Variants in RBM46 observed in about 807,000 individuals in gnomAD.
The protein encoded by RBM46 is RNA binding motif protein 46.
RBM46 carries 12 observed loss-of-function variants against 43.3 expected under a neutral mutation model. That is an observed-to-expected ratio of 0.28 (90% CI 0.18 to 0.45). RBM46 has a LOEUF of 0.45. RBM46 is among the 20% of genes least tolerant of loss of function. RBM46 has a pLI of 1.00. For missense variants in RBM46, 412 were observed against 639.1 expected (o/e 0.64, Z 3.83); for synonymous variants, 205 against 207.6 (o/e 0.99, Z 0.11).
At position 154,804,551 on chromosome 4, in the gene RBM46, C is replaced by T. The variant is rs566075440; in HGVS notation, c.1402+4987C>T. On this transcript the variant is annotated intron_variant, in intron 4 of 4. Transcript: ENST00000281722. ...AGTTAGAGTTTTGAAGAAGAAAGTC[C>T]TGGAGAATACTTAGTGGAAAGAGGA... Among the ~76,000 whole-genome samples the T allele has an allele frequency of 6.6e-5, 10 of 152,222 alleles. No individual in the cohort carries two copies. In the South Asian group the frequency reaches 1.7e-3, roughly 25 times the overall value.
At position 154,827,283 on chromosome 4, in the gene RBM46, G is replaced by A. The variant is rs553789111; in HGVS notation, c.1403-585G>A. ...GGTTTTTTGAAGTTTATTTAATAAAGGTGATTCATTATACTGTTTTATCAT... is the reference window on the plus strand; with the variant it reads ...GGTTTTTTGAAGTTTATTTAATAAAAGTGATTCATTATACTGTTTTATCAT... On this transcript the variant is annotated intron_variant, in intron 4 of 4. Coordinates refer to ENST00000281722, the MANE Select transcript of RBM46 (RefSeq NM_144979.5). 1.3e-4 allele frequency: 123 copies of A among 939,216 alleles called. 1 individual carries two copies. The African/African-American group carries it at 2.0e-3, about 15-fold the overall frequency. The allele number at this position is 939,216 out of a possible 1,614,324, so 58.2% of individuals were successfully genotyped here. A position where few individuals can be genotyped will look rare whatever the true frequency, so the allele number is the denominator to read the frequency against.
At chr4:154,795,130 T>G (rs1469059216) in intron 1 of RBM46, among the ~76,000 whole-genome samples, 1 of 152,196 alleles carries the variant, frequency 6.6e-6, no homozygotes. Context: ...ACATGTATAG[T>G]GCTTATATGC....
chr4:154,828,249 G>T lies in RBM46; in HGVS notation c.*182G>T. ...ATGGAGTTGTAGAATTTATAAAAATGCAAAGTTTAAAAAGTTATTCAGTGG... is the reference window on the plus strand; with the variant it reads ...ATGGAGTTGTAGAATTTATAAAAATTCAAAGTTTAAAAAGTTATTCAGTGG... On this transcript the variant is annotated 3_prime_UTR_variant, in exon 5 of 5. Transcript: ENST00000281722. The T allele has an allele frequency of 1.7e-6, 1 of 582,592 alleles. No homozygotes were observed. Among genetic ancestry groups the T allele is most frequent in the South Asian group, 2.2e-5 (1 of 45,214 alleles). The allele number at this position is 582,592 out of a possible 1,614,324, so 36.1% of individuals were successfully genotyped here. A position where few individuals can be genotyped will look rare whatever the true frequency, so the allele number is the denominator to read the frequency against.
rs770785066 is a variant in RBM46, at chr4:154,797,878, T to C, written c.219T>C (p.Tyr73=). 4.4e-6 allele frequency: 7 copies of C among 1,601,712 alleles called. No homozygotes were observed. In the Admixed American group the frequency reaches 7.0e-5, roughly 16 times the overall value. ...VFVGKIPRDM[Y]EDELVPVFER... is the part of the protein sequence containing the mutation. ...TAGGAAAAATACCTCGTGATATGTATGAAGATGAGTTAGTTCCTGTATTTG... is the reference window on the plus strand; with the variant it reads ...TAGGAAAAATACCTCGTGATATGTACGAAGATGAGTTAGTTCCTGTATTTG... Residue 73 remains tyrosine, a synonymous_variant, in exon 3 of 5, where the codon TAT becomes TAC. Coordinates refer to ENST00000281722, the MANE Select transcript of RBM46 (RefSeq NM_144979.5).
intron 4 of RBM46, among the ~76,000 whole-genome samples, chr4:154,805,336 G>A (rs1461056219): frequency 6.6e-6 from 1 of 151,824 alleles, no homozygotes; most frequent in African/African-American, 2.4e-5. Context: ...GGACCATTTT[G>A]TGTGTGAATA....
At chr4:154,827,412 T>C in intron 4 of RBM46, 1 of 988,358 alleles carries the variant, frequency 1.0e-6, no homozygotes, top group South Asian at 4.7e-5. Context: ...ACCAAATGTT[T>C]TTGCAGTCCA....
chr4:154,826,552 A>G (rs1031703093), intron 4 of RBM46, among the ~76,000 whole-genome samples: 2 of 152,174 alleles, frequency 1.3e-5, no homozygotes, highest in African/African-American at 4.8e-5. Context: ...TATCAAAGTA[A>G]TTCCTCATTC....
chr4:154,781,472 G>C (rs1349003040), intron 1 of RBM46, 36 bp downstream of exon 1: 3 of 152,392 alleles, frequency 2.0e-5, no homozygotes, highest in Non-Finnish European at 4.4e-5. Context: ...GTCACTACCA[G>C]ACCACTGCTA....
At position 154,811,743 on chromosome 4, in the gene RBM46, C is replaced by A. The variant is rs546521394; in HGVS notation, c.1402+12179C>A. Reference sequence around the variant, plus strand: ...TCACCCAGGCTGGAGTGCAGTGGTGCGATCTTGGCTCATTGCAACATCCGC... The same window carrying A: ...TCACCCAGGCTGGAGTGCAGTGGTGAGATCTTGGCTCATTGCAACATCCGC... On this transcript the variant is annotated intron_variant, in intron 4 of 4. Coordinates refer to ENST00000281722, the MANE Select transcript of RBM46 (RefSeq NM_144979.5). Among the ~76,000 whole-genome samples the A allele has an allele frequency of 4.0e-5, 6 of 150,552 alleles. No individual in the cohort carries two copies. In the South Asian group the frequency reaches 8.5e-4, roughly 21 times the overall value.
At chr4:154,783,668 T>G (rs1350107595) in intron 1 of RBM46, among the ~76,000 whole-genome samples, 2 of 152,244 alleles carry the variant, frequency 1.3e-5, no homozygotes, top group Non-Finnish European at 1.5e-5. Flanking sequence ...CATATACACC[T>G]TTGTGTTCAA....
intron 1 of RBM46, 130 bp from the exon 2 acceptor site, chr4:154,796,612 A>G: frequency 3.3e-6 from 2 of 614,054 alleles, no homozygotes; most frequent in Non-Finnish European, 5.5e-6. Context: ...GCAGAACCTC[A>G]GAGGACAGTG....
chr4:154,795,003 G>T (rs188615298), intron 1 of RBM46, among the ~76,000 whole-genome samples: 27 of 152,102 alleles, frequency 1.8e-4, no homozygotes, highest in African/African-American at 6.5e-4. Flanking sequence ...ATAGTGCATA[G>T]AATATAGTTG....
At chr4:154,816,824 C>A (rs1311948912) in intron 4 of RBM46, among the ~76,000 whole-genome samples, 1 of 152,020 alleles carries the variant, frequency 6.6e-6, no homozygotes, top group Admixed American at 6.6e-5. Context: ...TTATAGAAGT[C>A]GTTTATCACT....
chr4:154,805,387 T>A (rs1176403986), intron 4 of RBM46, among the ~76,000 whole-genome samples: 1 of 152,140 alleles, frequency 6.6e-6, no homozygotes, highest in Non-Finnish European at 1.5e-5. Flanking sequence ...TATTTCAGTA[T>A]TCATTTTGTA....
At chr4:154,794,088 A>G (rs1268671203) in intron 1 of RBM46, among the ~76,000 whole-genome samples, 1 of 151,618 alleles carries the variant, frequency 6.6e-6, no homozygotes, top group Non-Finnish European at 1.5e-5. Flanking sequence ...ACTTCAAAAT[A>G]TATCTCAAGT....
At chr4:154,818,580 G>C (rs952868214) in intron 4 of RBM46, among the ~76,000 whole-genome samples, 24 of 152,202 alleles carry the variant, frequency 1.6e-4, no homozygotes, top group African/African-American at 4.3e-4. Flanking sequence ...AGTCTTCTTA[G>C]TTTTCATCTT....
intron 1 of RBM46, among the ~76,000 whole-genome samples, chr4:154,792,506 A>G (rs1160711460): frequency 6.6e-6 from 1 of 152,176 alleles, no homozygotes; most frequent in Non-Finnish European, 1.5e-5. Flanking sequence ...TCATATGCCA[A>G]GGGGTCTGCA....
At position 154,806,832 on chromosome 4, in the gene RBM46, A is replaced by G. The variant is rs151100823; in HGVS notation, c.1402+7268A>G. Among the ~76,000 whole-genome samples, 1,376 of 151,988 alleles carry G rather than the reference A, an allele frequency of 9.1e-3. 11 individuals carry two copies. The highest frequency in any genetic ancestry group is 0.012 in the Non-Finnish European group (804 of 67,722). On this transcript the variant is annotated intron_variant, in intron 4 of 4. Transcript: ENST00000281722. ...TTTGGAAACTAAATTTTCTTTTTGT[A>G]ACAGAGGATCTAGGAAAATAATGAT...
chr4:154,797,997 A>C lies in RBM46; in HGVS notation c.338A>C (p.Glu113Ala), dbSNP rs1049884046. The C allele has an allele frequency of 3.1e-6, 5 of 1,612,772 alleles. No individual in the cohort carries two copies. Among genetic ancestry groups the C allele is most frequent in the African/African-American group, 1.3e-5 (1 of 74,936 alleles). ...YAFVMYTTKE[E>A]AQLAIRILNN... ...TTTGTGATGTACACTACAAAAGAAG[A>C]AGCCCAATTAGCCATCAGAATTCTT... is the stretch of plus-strand genomic sequence containing the variant. The change falls in exon 3 of 5, where the codon GAA becomes GCA. Residue 113 changes from glutamate (E) to alanine (A), a missense_variant. Coordinates refer to ENST00000281722, the MANE Select transcript of RBM46 (RefSeq NM_144979.5).
Sources: allele counts gnomAD v4.1 joint callset (sites outside exome capture counted in the v4.1 genomes callset), GRCh38; gene constraint gnomAD v4.1.1; transcripts MANE v1.5; gene names NCBI Gene and HGNC (gene_info 2026-07-23, HGNC 2026-07-21).